Variants in NDUFAF6 observed in about 807,000 individuals in gnomAD.
NDUFAF6 encodes the protein NADH:ubiquinone oxidoreductase complex assembly factor 6.
Under a neutral mutation model 40.8 loss-of-function variants are expected in NDUFAF6, and 45 were observed. That is an observed-to-expected ratio of 1.10 (90% CI 0.87 to 1.42). The LOEUF (loss-of-function observed/expected upper bound fraction) is 1.42. NDUFAF6 is among the 40% of genes most tolerant of loss of function. The pLI is 0.00. For synonymous variants in NDUFAF6, 185 were observed against 155.9 expected, an observed-to-expected ratio of 1.19 and a Z score of -1.39; for missense variants, 435 against 418.5, an observed-to-expected ratio of 1.04 and a Z score of -0.34.
chr8:94,957,595 G>A (rs1224647450), upstream of NDUFAF6, among the ~76,000 whole-genome samples: 1 of 152,148 alleles, frequency 6.6e-6, no homozygotes, highest in Non-Finnish European at 1.5e-5. Context: ...ACAGTGAGGT[G>A]GCTTCTAGAT....
At chr8:94,968,561 A>G (rs1824204658) in intron 1 of NDUFAF6, among the ~76,000 whole-genome samples, 1 of 152,194 alleles carries the variant, frequency 6.6e-6, no homozygotes, top group South Asian at 2.1e-4. Context: ...CACAAATCAC[A>G]CAACCAAGGT....
At position 94,985,467 on chromosome 8, in the gene NDUFAF6, TTATATATATATATATATATATATATATA is replaced by T. The variant is rs71510481; in HGVS notation, c.-84+4516_-84+4543del. ...AGAAAGTAGAAAAGAAAAACAATAA[TTATATATATATATATATATATATATATA>T]TATATATATATATATATATATTTTT... On this transcript the variant is annotated intron_variant, in intron 2 of 9. Transcript: ENST00000396111. Among the ~76,000 whole-genome samples, 133 of 28,606 alleles carry T rather than the reference TTATATATATATATATATATATATATATA, an allele frequency of 4.6e-3. 1 individual carries two copies. The highest frequency in any genetic ancestry group is 9.8e-3 in the East Asian group (7 of 716). 18.8% of individuals were successfully genotyped at this position (28,606 alleles called of 152,430 possible).
intron 1 of NDUFAF6, among the ~76,000 whole-genome samples, chr8:94,963,885 A>G (rs867453059): frequency 6.6e-6 from 1 of 152,256 alleles, no homozygotes; most frequent in Non-Finnish European, 1.5e-5. Context: ...GCACAAGCTC[A>G]GCAGGTCAAT....
chr8:95,058,548 T>C lies in NDUFAF6; in HGVS notation c.*611T>C. On this transcript the variant is annotated 3_prime_UTR_variant, in exon 9 of 9. Transcript: ENST00000396124. ...CAAGAGCAGAGCCTTAATTTGACTT[T>C]AGCTCTGGCTGGTCTGGAAGCTTTT... 1 of 1,219,380 alleles carries C rather than the reference T, an allele frequency of 8.2e-7. No individual in the cohort carries two copies. Among genetic ancestry groups the C allele is most frequent in the Non-Finnish European group, 1.0e-6 (1 of 980,836 alleles). 75.5% of individuals were successfully genotyped at this position (1,219,380 alleles called of 1,614,324 possible). A position where few individuals can be genotyped will look rare whatever the true frequency, so the allele number is the denominator to read the frequency against.
At chr8:94,931,805 C>T (rs3019172) in intron 1 of NDUFAF6, among the ~76,000 whole-genome samples, 2 of 152,044 alleles carry the variant, frequency 1.3e-5, no homozygotes, top group Non-Finnish European at 2.9e-5. Flanking sequence ...AACCCCATCT[C>T]TACTAAAAAT....
chr8:95,005,554 A>ATATATATGTATAT (rs1554657858), intron 2 of NDUFAF6, among the ~76,000 whole-genome samples: 2 of 115,338 alleles, frequency 1.7e-5, no homozygotes, highest in African/African-American at 7.5e-5. Context: ...TATATATATA[A>ATATATATGTATAT]AAAATATATT....
chr8:95,054,682 G>A (rs1224436726), intron 8 of NDUFAF6, among the ~76,000 whole-genome samples: 3 of 152,020 alleles, frequency 2.0e-5, no homozygotes, highest in Admixed American at 1.3e-4. Flanking sequence ...TGATCCACCC[G>A]CCTTGGCCTC....
chr8:95,061,719 T>C (rs975598551), downstream of NDUFAF6, among the ~76,000 whole-genome samples: 2 of 152,198 alleles, frequency 1.3e-5, no homozygotes, highest in Non-Finnish European at 1.5e-5. Context: ...TATCAGTATA[T>C]AGTAGTTAAG....
upstream of NDUFAF6, among the ~76,000 whole-genome samples, chr8:95,096,239 T>C (rs1809461275): frequency 6.6e-6 from 1 of 152,194 alleles, no homozygotes; most frequent in African/African-American, 2.4e-5. Flanking sequence ...GAGAGAGCAC[T>C]GGCTGAGCAG....
chr8:95,097,631 G>A (rs1809511841), upstream of NDUFAF6, among the ~76,000 whole-genome samples: 1 of 152,180 alleles, frequency 6.6e-6, no homozygotes, highest in Non-Finnish European at 1.5e-5. Flanking sequence ...CTGGGGAGGT[G>A]GAGGTTGCAG....
chr8:94,916,564 A>C (rs1455681698), intron 1 of NDUFAF6, among the ~76,000 whole-genome samples: 1 of 152,224 alleles, frequency 6.6e-6, no homozygotes, highest in Non-Finnish European at 1.5e-5. Context: ...CTATAATCCC[A>C]ACACTTTGGG....
chr8:95,067,069 G>T (rs905720453), intron 9 of NDUFAF6: 9 of 152,184 alleles, frequency 5.9e-5, no homozygotes, highest in African/African-American at 2.2e-4. Context: ...TGCCAGGGAG[G>T]ACTATTTATT....
At position 95,057,955 on chromosome 8, in the gene NDUFAF6, G is replaced by C. The variant is rs1832404932; in HGVS notation, c.*18G>C. The C allele has an allele frequency of 2.0e-6, 3 of 1,496,112 alleles. No homozygotes were observed. The highest frequency in any genetic ancestry group is 1.4e-5 in the African/African-American group (1 of 72,630). 92.7% of individuals were successfully genotyped at this position (1,496,112 alleles called of 1,614,324 possible). ...CATATTAAAATAATTTCATGGCATT[G>C]ATGTTAATTCTAGTCTATTAGTTTT... On this transcript the variant is annotated 3_prime_UTR_variant, in exon 9 of 9. Coordinates refer to ENST00000396124, the MANE Select transcript of NDUFAF6 (RefSeq NM_152416.4).
At chr8:95,071,421 A>G (rs77029443) in intron 9 of NDUFAF6, among the ~76,000 whole-genome samples, 1 of 151,356 alleles carries the variant, frequency 6.6e-6, no homozygotes, top group African/African-American at 2.4e-5. Flanking sequence ...AAAAAAAAAA[A>G]AAGCATAAGG....
intron 7 of NDUFAF6, among the ~76,000 whole-genome samples, chr8:95,049,742 A>T (rs542725115): frequency 2.6e-5 from 4 of 152,238 alleles, no homozygotes; most frequent in African/African-American, 9.6e-5. Context: ...GTTACCTAAA[A>T]TAACATCTTC....
At chr8:94,980,636 T>TGGGG in intron 1 of NDUFAF6, among the ~76,000 whole-genome samples, 4 of 27,506 alleles carry the variant, frequency 1.5e-4, no homozygotes, top group Non-Finnish European at 2.4e-4. Context: ...AGTAGGGGGG[T>TGGGG]GGGGGGGTCT....
chr8:95,092,864 T>C (rs1809309430), intron 2 of NDUFAF6, among the ~76,000 whole-genome samples: 1 of 152,228 alleles, frequency 6.6e-6, no homozygotes, highest in African/African-American at 2.4e-5. Flanking sequence ...ATCACAGGCG[T>C]TAGCCACCGC....
At chr8:95,039,411 C>T (rs1366700204) in intron 3 of NDUFAF6, among the ~76,000 whole-genome samples, 3 of 151,556 alleles carry the variant, frequency 2.0e-5, no homozygotes, top group Non-Finnish European at 1.5e-5. Context: ...CAAGATTGCG[C>T]CATTGCACTC....
chr8:94,940,367 G>A (rs1008333651), intron 1 of NDUFAF6: 25 of 911,244 alleles, frequency 2.7e-5, no homozygotes, highest in Middle Eastern at 5.8e-4. Flanking sequence ...TGATGCTCAC[G>A]TATCTTCTTT....
Sources: gnomAD v4.1 joint callset for allele counts (sites outside exome capture counted in the v4.1 genomes callset) on GRCh38, gnomAD v4.1.1 for gene constraint, MANE v1.5 for transcripts, NCBI Gene and HGNC (gene_info 2026-07-23, HGNC 2026-07-21) for gene names.